Variants in GPC3 observed in about 807,000 individuals in gnomAD.
GPC3 encodes the protein glypican 3.
Under a neutral mutation model 34.4 loss-of-function variants are expected in GPC3, and 3 were observed. The observed-to-expected ratio is 0.09, with a 90% CI of 0.04 to 0.23. The LOEUF (loss-of-function observed/expected upper bound fraction) is 0.23. Among genes scored for constraint, GPC3 ranks in the 10% least tolerant of loss-of-function variants. GPC3 has a pLI of 1.00. For synonymous variants in GPC3, 177 were observed against 174.0 expected (o/e 1.02, Z -0.13); for missense variants, 351 against 445.6 (o/e 0.79, Z 1.91).
intron 2 of GPC3, among the ~76,000 whole-genome samples, chrX:133,911,487 C>A (rs772640234): frequency 9.0e-6 from 1 of 111,716 alleles, no homozygotes; most frequent in African/African-American, 3.2e-5. Context: ...ATTAAGAAGA[C>A]AAGTCACCAA....
chrX:133,657,196 AT>A (rs1466285935), intron 6 of GPC3, among the ~76,000 whole-genome samples: 3 of 111,932 alleles, frequency 2.7e-5, no homozygotes, highest in African/African-American at 9.7e-5. Flanking sequence ...AAATGGATAG[AT>A]TTTTCCTTGG....
At chrX:133,778,145 AT>A (rs1430574259) in intron 2 of GPC3, among the ~76,000 whole-genome samples, 1 of 111,987 alleles carries the variant, frequency 8.9e-6, no homozygotes, top group African/African-American at 3.2e-5. Context: ...AAGATTTATT[AT>A]TTCCCCCCCA....
In GPC3 at chrX:133,725,049, C is replaced by T. The variant is rs137976431; in HGVS notation, c.1033-25021G>A. The stretch of plus-strand genomic sequence containing the variant: ...TACCTCAGGCAGTTGGGGTCCAGAA[C>T]AGATTTGAGGGTCAGTAAAGCAACA... On this transcript the variant is annotated intron_variant, in intron 3 of 7. Coordinates refer to ENST00000370818, the MANE Select transcript of GPC3 (RefSeq NM_004484.4). Among the ~76,000 whole-genome samples, 187 of 111,807 alleles carry T rather than the reference C, an allele frequency of 1.7e-3. 1 individual carries two copies. In the East Asian group the frequency reaches 0.023, roughly 14 times the overall value.
intron 3 of GPC3, among the ~76,000 whole-genome samples, chrX:133,745,748 G>T (rs917588633): frequency 2.7e-5 from 3 of 112,261 alleles, no homozygotes; most frequent in Admixed American, 9.4e-5. Flanking sequence ...CAAAAGCATT[G>T]AGAACTTGAA....
At position 133,753,559 on chromosome X, in the gene GPC3, C is replaced by A; in HGVS notation, c.955G>T (p.Val319Leu). ...GMYRIYDMEN[V>L]LLGLFSTIHD... ...ATTGTTGAAAAGAGACCAAGCAGTA[C>A]GTTCTCCATGTCATAGATTCTGTAC... Residue 319 changes from valine to leucine, a missense_variant, in exon 3 of 8, where the codon GTA (valine) becomes TTA (leucine). Coordinates refer to ENST00000370818, the MANE Select transcript of GPC3 (RefSeq NM_004484.4). 8.3e-7 allele frequency: 1 copy of A among 1,209,105 alleles called. No homozygotes were observed. The highest frequency in any genetic ancestry group is 1.1e-6 in the Non-Finnish European group (1 of 893,085).
At chrX:133,934,611 C>T (rs899618764) in intron 2 of GPC3, among the ~76,000 whole-genome samples, 100 of 109,760 alleles carry the variant, frequency 9.1e-4, no homozygotes, top group Non-Finnish European at 1.3e-3. Context: ...CTCCCAGGCT[C>T]AGGGGATCCC....
intron 5 of GPC3, among the ~76,000 whole-genome samples, chrX:133,692,105 T>C (rs1385932219): frequency 3.6e-5 from 4 of 112,302 alleles, no homozygotes; most frequent in Non-Finnish European, 7.5e-5. Context: ...TGCGCCATCA[T>C]GCCTGGCTAA....
rs1005496240 is a variant in GPC3, at chrX:133,628,860, T to C, written c.1414-32261A>G. On this transcript the variant is annotated intron_variant, in intron 6 of 7. Coordinates refer to ENST00000370818, the MANE Select transcript of GPC3 (RefSeq NM_004484.4). ...AATAGGGTATGGCATACAGAGTACC[T>C]ATGAAGCCATATAATTCACAGTAAA... 3.6e-5 allele frequency among the ~76,000 whole-genome samples: 4 copies of C among 111,295 alleles called. No homozygotes were observed. In the Admixed American group the frequency reaches 3.8e-4, roughly 11 times the overall value.
intron 2 of GPC3, among the ~76,000 whole-genome samples, chrX:133,947,043 A>C (rs1367500842): frequency 1.8e-5 from 2 of 112,011 alleles, no homozygotes; most frequent in Non-Finnish European, 3.8e-5. Flanking sequence ...CATTACTCCA[A>C]TATCAGGTAC....
chrX:133,812,473 C>T (rs73567041), intron 2 of GPC3, among the ~76,000 whole-genome samples: 1,376 of 111,735 alleles, frequency 0.012, 21 homozygotes, highest in African/African-American at 0.041. Flanking sequence ...GGAGGGGGAA[C>T]AGGTGAGGAG....
Position 133,595,655 on chromosome X carries a change from C to T in GPC3, c.1573+785G>A, listed in dbSNP as rs776411750. ...AAGCAATCCTCCCAAGTAGCTGGGA[C>T]AATAGGCGTACCACCACACCCTGCT... On this transcript the variant is annotated intron_variant, in intron 7 of 7. Coordinates refer to ENST00000370818, the MANE Select transcript of GPC3 (RefSeq NM_004484.4). Among the ~76,000 whole-genome samples, 3 of 110,788 alleles carry T rather than the reference C, an allele frequency of 2.7e-5. No homozygotes were observed. The East Asian group carries it at 8.5e-4, about 31-fold the overall frequency.
intron 2 of GPC3, among the ~76,000 whole-genome samples, chrX:133,846,667 C>A (rs778841142): frequency 1.8e-5 from 2 of 111,569 alleles, no homozygotes; most frequent in Non-Finnish European, 3.8e-5. Flanking sequence ...CTTCTGAAAT[C>A]CTAAAAAAAA....
At chrX:133,957,532 G>C (rs1344178919) in intron 1 of GPC3, among the ~76,000 whole-genome samples, 1 of 112,164 alleles carries the variant, frequency 8.9e-6, no homozygotes, top group Admixed American at 9.5e-5. Flanking sequence ...AAAGAATTTA[G>C]AGGGAATTCT....
intron 2 of GPC3, among the ~76,000 whole-genome samples, chrX:133,866,081 C>G (rs2075965230): frequency 9.0e-6 from 1 of 111,142 alleles, no homozygotes; most frequent in South Asian, 3.7e-4. Flanking sequence ...ATTTTTCTGC[C>G]TTCCTCTATG....
intron 2 of GPC3, among the ~76,000 whole-genome samples, chrX:133,800,830 A>C (rs2075605714): frequency 9.0e-6 from 1 of 111,664 alleles, no homozygotes; most frequent in South Asian, 3.8e-4. Context: ...AAGACCACCA[A>C]TGTGTGTGAG....
intron 7 of GPC3, among the ~76,000 whole-genome samples, chrX:133,567,875 A>G (rs2069595537): frequency 8.9e-6 from 1 of 112,312 alleles, no homozygotes; most frequent in African/African-American, 3.2e-5. Context: ...AAAATATTTA[A>G]TGATCTTTTG....
At chrX:133,676,366 G>T (rs1384065341) in intron 5 of GPC3, among the ~76,000 whole-genome samples, 2 of 112,516 alleles carry the variant, frequency 1.8e-5, no homozygotes, top group Non-Finnish European at 3.8e-5. Context: ...GCCATGGTGG[G>T]CATGGGCAGA....
In GPC3 at chrX:133,539,209, C is replaced by G. The variant is rs142390255; in HGVS notation, c.1574-2916G>C. ...TTCCCATTTTACTGGAGAGGAAGCTCAAGCTCAGGTTAATTATTTTGCCCA... is the reference window on the plus strand; with the variant it reads ...TTCCCATTTTACTGGAGAGGAAGCTGAAGCTCAGGTTAATTATTTTGCCCA... On this transcript the variant is annotated intron_variant, in intron 7 of 7. Coordinates refer to ENST00000370818, the MANE Select transcript of GPC3 (RefSeq NM_004484.4). Among the ~76,000 whole-genome samples, 100 of 111,224 alleles carry G rather than the reference C, an allele frequency of 9.0e-4. 1 individual carries two copies. In the East Asian group the frequency reaches 0.022, roughly 24 times the overall value.
intron 5 of GPC3, among the ~76,000 whole-genome samples, chrX:133,672,402 T>C (rs894877472): frequency 8.9e-6 from 1 of 111,934 alleles, no homozygotes; most frequent in Non-Finnish European, 1.9e-5. Flanking sequence ...CTGATGGCTG[T>C]CCTTGAGGGG....
Sources: gnomAD v4.1 joint callset for allele counts (sites outside exome capture counted in the v4.1 genomes callset) on GRCh38, gnomAD v4.1.1 for gene constraint, MANE v1.5 for transcripts, NCBI Gene and HGNC (gene_info 2026-07-23, HGNC 2026-07-21) for gene names.